The following TRDN variants were observed in gnomAD, a reference collection of about 807,000 sequenced individuals.
TRDN encodes the protein triadin in skeletal muscle.
A neutral mutation model predicts 149.7 loss-of-function variants in TRDN; 161 were observed. The ratio of observed to expected loss-of-function variants is 1.08; its 90% CI spans 0.95 to 1.23. The LOEUF (loss-of-function observed/expected upper bound fraction) is 1.23. Ranked by LOEUF, TRDN falls within the 50% of genes most tolerant of loss-of-function variation. The pLI is 0.00. For synonymous variants in TRDN, 294 were observed against 250.5 expected (o/e 1.17, Z -1.64); for missense variants, 896 against 823.5 (o/e 1.09, Z -1.08).
chr6:123,356,059 A>G (rs566575222), intron 20 of TRDN, among the ~76,000 whole-genome samples: 1 of 151,826 alleles, frequency 6.6e-6, no homozygotes, highest in East Asian at 1.9e-4. Context: ...TAATCATATC[A>G]TTTGTGAATA....
At chr6:123,618,433 G>A (rs1785214799) in intron 1 of TRDN, among the ~76,000 whole-genome samples, 1 of 152,102 alleles carries the variant, frequency 6.6e-6, no homozygotes, top group East Asian at 1.9e-4. Context: ...CAATTTTGAG[G>A]ACTTCCGTGA....
intron 20 of TRDN, among the ~76,000 whole-genome samples, chr6:123,357,272 G>A (rs969422580): frequency 5.3e-5 from 8 of 151,892 alleles, no homozygotes; most frequent in African/African-American, 1.9e-4. Context: ...TGTATCACTT[G>A]ACAAAAGATA....
intron 1 of TRDN, among the ~76,000 whole-genome samples, chr6:123,628,885 A>T (rs9388274): frequency 0.28 from 41,825 of 151,960 alleles, 5,918 homozygotes; most frequent in East Asian, 0.43. Context: ...TACATCTAGG[A>T]TGATAATTAA....
intron 1 of TRDN, among the ~76,000 whole-genome samples, chr6:123,620,469 C>A (rs922462426): frequency 6.6e-6 from 1 of 152,162 alleles, no homozygotes; most frequent in Non-Finnish European, 1.5e-5. Flanking sequence ...TGCATTCATA[C>A]ATTTTGACCC....
chr6:123,218,860 G>T, intron 40 of TRDN, 120 bp from the exon 41 acceptor site: 1 of 1,047,548 alleles, frequency 9.5e-7, no homozygotes, highest in Non-Finnish European at 1.4e-6. Context: ...CGTAGCTGTT[G>T]GCAAGTTACT....
intron 12 of TRDN, among the ~76,000 whole-genome samples, chr6:123,401,980 A>T (rs1238376997): frequency 2.0e-5 from 3 of 151,728 alleles, no homozygotes; most frequent in Admixed American, 2.0e-4. Context: ...TAAAGGAGAG[A>T]TAAGGTGTAG....
chr6:123,275,864 A>G (rs985805512), intron 26 of TRDN, among the ~76,000 whole-genome samples: 1 of 152,178 alleles, frequency 6.6e-6, no homozygotes, highest in Non-Finnish European at 1.5e-5. Flanking sequence ...CTATAATAGA[A>G]TATCACAGAC....
chr6:123,406,843 T>C (rs1773211310), intron 12 of TRDN, among the ~76,000 whole-genome samples: 1 of 152,176 alleles, frequency 6.6e-6, no homozygotes, highest in African/African-American at 2.4e-5. Context: ...GGTTTACTGA[T>C]TCAAAAACAA....
chr6:123,300,910 C>T (rs376248504), intron 24 of TRDN, among the ~76,000 whole-genome samples: 9 of 151,758 alleles, frequency 5.9e-5, no homozygotes, highest in South Asian at 2.1e-4. Flanking sequence ...CCCCTTTTAA[C>T]GAATTAAGAA....
intron 26 of TRDN, among the ~76,000 whole-genome samples, chr6:123,276,701 G>A (rs1777378936): frequency 6.6e-6 from 1 of 152,106 alleles, no homozygotes; most frequent in South Asian, 2.1e-4. Context: ...AAACATCTGT[G>A]GAGGACCCTC....
intron 4 of TRDN, among the ~76,000 whole-genome samples, chr6:123,542,316 G>A (rs1478767895): frequency 1.3e-5 from 2 of 152,062 alleles, no homozygotes; most frequent in Non-Finnish European, 2.9e-5. Flanking sequence ...ATTGGCTTCT[G>A]GTGTTTTCCT....
intron 12 of TRDN, among the ~76,000 whole-genome samples, chr6:123,411,077 C>T (rs1160207565): frequency 1.4e-5 from 2 of 146,958 alleles, no homozygotes; most frequent in African/African-American, 5.1e-5. Flanking sequence ...GTCAGAGTCT[C>T]GCTCTGTTGC....
chr6:123,505,961 C>G (rs945515390), intron 7 of TRDN, among the ~76,000 whole-genome samples: 4 of 152,140 alleles, frequency 2.6e-5, no homozygotes, highest in African/African-American at 9.7e-5. Flanking sequence ...TTTCTTCTTC[C>G]TATAAATCAT....
At chr6:123,380,793 A>C (rs1367674) in intron 16 of TRDN, among the ~76,000 whole-genome samples, 134,126 of 150,870 alleles carry the variant, frequency 0.89, 59,823 homozygotes, top group East Asian at 0.99. Flanking sequence ...AAAGACATAC[A>C]TTAAGTTATT....
At chr6:123,304,286 C>T (rs1301526014) in intron 24 of TRDN, among the ~76,000 whole-genome samples, 1 of 133,878 alleles carries the variant, frequency 7.5e-6, no homozygotes, top group East Asian at 2.1e-4. Flanking sequence ...CGGAGTCTTG[C>T]TCTGTTGCCA....
At chr6:123,252,067 T>A (rs1279597476) in intron 38 of TRDN, among the ~76,000 whole-genome samples, 1 of 152,140 alleles carries the variant, frequency 6.6e-6, no homozygotes, top group African/African-American at 2.4e-5. Flanking sequence ...ATGTGGTCTT[T>A]AACAAATTTC....
chr6:123,298,983 G>C (rs1470753608), intron 24 of TRDN, among the ~76,000 whole-genome samples: 1 of 151,996 alleles, frequency 6.6e-6, no homozygotes, highest in Non-Finnish European at 1.5e-5. Flanking sequence ...GCCATGTTTA[G>C]GTGTGACTAT....
At position 123,594,793 on chromosome 6, in the gene TRDN, G is replaced by A. The variant is rs367639669; in HGVS notation, c.23-23661C>T. On this transcript the variant is annotated intron_variant, in intron 1 of 40. Coordinates refer to ENST00000334268, the MANE Select transcript of TRDN (RefSeq NM_006073.4). Reference sequence around the variant, plus strand: ...ATATATTTTTAGTATTATTTAGGTAGCATGACTTTAGTTTTAAAACATCAA... The same window carrying A: ...ATATATTTTTAGTATTATTTAGGTAACATGACTTTAGTTTTAAAACATCAA... 2.3e-4 allele frequency among the ~76,000 whole-genome samples: 35 copies of A among 151,962 alleles called. No individual in the cohort carries two copies. The South Asian group carries it at 7.1e-3, about 31-fold the overall frequency.
intron 1 of TRDN, among the ~76,000 whole-genome samples, chr6:123,620,515 A>G (rs1785328759): frequency 6.6e-6 from 1 of 152,102 alleles, no homozygotes; most frequent in Admixed American, 6.6e-5. Flanking sequence ...TAGTATACCC[A>G]TGCTCTTCAC....
Sources: allele counts gnomAD v4.1 joint callset (sites outside exome capture counted in the v4.1 genomes callset), GRCh38; gene constraint gnomAD v4.1.1; transcripts MANE v1.5; gene names NCBI Gene and HGNC (gene_info 2026-07-23, HGNC 2026-07-21).